EVC2: variants seen among roughly 807,000 people sequenced by gnomAD.
The protein encoded by EVC2 is EvC ciliary complex subunit 2.
A neutral mutation model predicts 149.3 loss-of-function variants in EVC2; 148 were observed. The ratio of observed to expected loss-of-function variants is 0.99; its 90% CI spans 0.87 to 1.14. The LOEUF (loss-of-function observed/expected upper bound fraction) is 1.14. Among genes scored for constraint, EVC2 ranks in the 50% most tolerant of loss-of-function variants. The pLI, the probability that EVC2 is intolerant of heterozygous loss-of-function variation, is 0.00. For synonymous variants in EVC2, 776 were observed against 649.9 expected (o/e 1.19, Z -2.95); for missense variants, 1,854 against 1,627.3 (o/e 1.14, Z -2.40).
intron 21 of EVC2, among the ~76,000 whole-genome samples, chr4:5,556,157 G>C (rs1721834989): frequency 8.4e-6 from 1 of 119,368 alleles, no homozygotes; most frequent in African/African-American, 3.3e-5. Flanking sequence ...CTAACCCCAG[G>C]TGACAGTGTG....
At chr4:5,580,839 G>C (rs1711694578) in intron 17 of EVC2, among the ~76,000 whole-genome samples, 1 of 53,552 alleles carries the variant, frequency 1.9e-5, no homozygotes, top group African/African-American at 6.9e-5. Flanking sequence ...TTGGAGGTGA[G>C]GCCTGCTGGA....
chr4:5,662,474 A>AATATTAAATATAATATTAATATTAAAT (rs56922180), intron 9 of EVC2, among the ~76,000 whole-genome samples: 15 of 137,100 alleles, frequency 1.1e-4, no homozygotes, highest in South Asian at 8.9e-4. Context: ...TTATTAATAT[A>AATATTAAATATAATATTAATATTAAAT]ATATTAAATA....
rs1469225835 is a variant in EVC2 at position 5,614,928 on chromosome 4, G to T, written c.2829+494C>A. Among the ~76,000 whole-genome samples the T allele has an allele frequency of 1.3e-5, 2 of 151,520 alleles. No individual in the cohort carries two copies. The highest frequency in any genetic ancestry group is 1.3e-4 in the Admixed American group (2 of 15,220). Reference sequence around the variant, plus strand: ...GGAGGCGGAGGTTGCAGTGAGCCGAGATCACACCACTGCACTCCAGCCTGG... The same window carrying T: ...GGAGGCGGAGGTTGCAGTGAGCCGATATCACACCACTGCACTCCAGCCTGG... On this transcript the variant is annotated intron_variant, in intron 16 of 21. Transcript: ENST00000344408. This position sits in a 1 kb window ranked among gnomAD's most constrained non-coding sequence, Gnocchi z 4.7.
At position 5,568,475 on chromosome 4, in the gene EVC2, C is replaced by T. The variant is rs375910289; in HGVS notation, c.3526G>A (p.Gly1176Arg). Reference protein sequence around the residue: ...HVDHAAESDGGAEQADVGRRR... With the variant: ...HVDHAAESDGRAEQADVGRRR... The stretch of plus-strand genomic sequence containing the variant: ...CTGCCCACGTCGGCCTGCTCCGCTC[C>T]GCCATCGCTCTCAGCTGCGTGGTCC... The change falls in exon 20 of 22, where the codon GGA (glycine) becomes AGA (arginine). Residue 1176 changes from glycine to arginine, a missense_variant. Coordinates refer to ENST00000344408, the MANE Select transcript of EVC2 (RefSeq NM_147127.5). The T allele has an allele frequency of 3.7e-5, 59 of 1,575,856 alleles. No individual in the cohort carries two copies. Among genetic ancestry groups the T allele is most frequent in the Middle Eastern group, 2.3e-4 (1 of 4,424 alleles).
At chr4:5,634,452 T>C (rs1001491629) in intron 10 of EVC2, among the ~76,000 whole-genome samples, 8 of 152,202 alleles carry the variant, frequency 5.3e-5, no homozygotes, top group Non-Finnish European at 1.0e-4. Flanking sequence ...AAACTTCAAT[T>C]TATTTTAATT....
chr4:5,691,479 A>G (rs986972089), intron 3 of EVC2, 146 bp from the exon 4 acceptor site: 12 of 682,240 alleles, frequency 1.8e-5, no homozygotes, highest in Non-Finnish European at 3.0e-5. Flanking sequence ...CTTATTTTTT[A>G]AAAGAGCATT....
At chr4:5,542,450 G>A (rs1721532023), downstream of EVC2, among the ~76,000 whole-genome samples, 1 of 152,146 alleles carries the variant, frequency 6.6e-6, no homozygotes, top group Non-Finnish European at 1.5e-5. Context: ...GTGAGACCCT[G>A]TCTCAAAAAA....
At position 5,615,500 on chromosome 4, in the gene EVC2, C is replaced by T; in HGVS notation, c.2751G>A (p.Lys917=). The T allele has an allele frequency of 6.2e-7, 1 of 1,614,224 alleles. No homozygotes were observed. Among genetic ancestry groups the T allele is most frequent in the Non-Finnish European group, 8.5e-7 (1 of 1,180,042 alleles). ...VRKSRSKSKS[K]GELLKKCIED... ...CGATGCACTTCTTCAGAAGCTCTCC[C>T]TTGCTTTTACTCTTGGACCGTGACT... The change falls in exon 16 of 22, where the codon AAG becomes AAA. Residue 917 remains lysine (K), a synonymous_variant. Transcript: ENST00000344408.
rs1722537176 is a variant in EVC2, at chr4:5,569,783, G to A, written c.3361-1143C>T. ...AGGGACTCGACCCCTTGGAAACATG[G>A]GGTCGCTGTGACCTTGGTAAGTGCT... On this transcript the variant is annotated intron_variant, in intron 19 of 21. Transcript: ENST00000344408. This position sits in a 1 kb window ranked among gnomAD's most constrained non-coding sequence, Gnocchi z 4.8. Among the ~76,000 whole-genome samples the A allele has an allele frequency of 6.6e-6, 1 of 151,964 alleles. No individual in the cohort carries two copies. Among genetic ancestry groups the A allele is most frequent in the African/African-American group, 2.4e-5 (1 of 41,358 alleles).
chr4:5,627,399 G>T (rs1716190446), intron 12 of EVC2, among the ~76,000 whole-genome samples: 1 of 152,196 alleles, frequency 6.6e-6, no homozygotes, highest in Non-Finnish European at 1.5e-5. Context: ...TTAAAATCAG[G>T]AATGCGAAGT....
intron 21 of EVC2, among the ~76,000 whole-genome samples, chr4:5,545,930 A>C (rs1721607785): frequency 6.6e-6 from 1 of 152,246 alleles, no homozygotes; most frequent in Non-Finnish European, 1.5e-5. Flanking sequence ...AGGGAAAAGA[A>C]GACATTTATG....
intron 16 of EVC2, among the ~76,000 whole-genome samples, chr4:5,609,663 C>T (rs954964154): frequency 6.6e-6 from 1 of 152,214 alleles, no homozygotes; most frequent in African/African-American, 2.4e-5. Flanking sequence ...CTATCACTGT[C>T]ACAAGCCACA....
At chr4:5,615,345 G>A in intron 16 of EVC2, 77 bp downstream of exon 16, 1 of 1,606,580 alleles carries the variant, frequency 6.2e-7, no homozygotes, top group Non-Finnish European at 8.5e-7. Context: ...GGCTCTGTGT[G>A]CCTGCAAATG....
intron 9 of EVC2, among the ~76,000 whole-genome samples, chr4:5,653,124 G>A (rs192853230): frequency 2.5e-3 from 376 of 152,180 alleles, no homozygotes; most frequent in Non-Finnish European, 4.0e-3. Flanking sequence ...CTGTGTCTAC[G>A]TCCAGATTTC....
chr4:5,571,275 G>A (rs1283290376), intron 19 of EVC2, among the ~76,000 whole-genome samples: 6 of 125,830 alleles, frequency 4.8e-5, no homozygotes, highest in Admixed American at 2.1e-4. Context: ...CCAAGATCGC[G>A]CCACTGCACT....
At chr4:5,594,841 A>G (rs1713225529) in intron 16 of EVC2, among the ~76,000 whole-genome samples, 1 of 152,206 alleles carries the variant, frequency 6.6e-6, no homozygotes, top group African/African-American at 2.4e-5. Context: ...AGGCGAATGT[A>G]TAACTAGAAT....
chr4:5,619,092 C>A (rs1195987475), intron 14 of EVC2, among the ~76,000 whole-genome samples: 1 of 152,140 alleles, frequency 6.6e-6, no homozygotes, highest in Non-Finnish European at 1.5e-5. Context: ...TCAGGGAGGT[C>A]AGGGAAATGA....
At chr4:5,595,166 T>C (rs991656508) in intron 16 of EVC2, among the ~76,000 whole-genome samples, 6 of 152,144 alleles carry the variant, frequency 3.9e-5, no homozygotes, top group Non-Finnish European at 2.9e-5. Flanking sequence ...CCAGGAGAAC[T>C]TCCCCAATCT....
rs73198128 is a variant in EVC2 at position 5,616,658 on chromosome 4, T to G, written c.2707-1114A>C. Among the ~76,000 whole-genome samples, 1,022 of 152,316 alleles carry G rather than the reference T, an allele frequency of 6.7e-3. 4 individuals carry two copies. Among genetic ancestry groups the G allele is most frequent in the African/African-American group, 0.012 (479 of 41,578 alleles). ...AATTTTATCCCCAGGCCTTGGTGCTTAGGAAACTGAGAGCAGGCTCTCCCA... is the reference window on the plus strand; with the variant it reads ...AATTTTATCCCCAGGCCTTGGTGCTGAGGAAACTGAGAGCAGGCTCTCCCA... On this transcript the variant is annotated intron_variant, in intron 15 of 21. Transcript: ENST00000344408.
Sources: gnomAD v4.1 joint callset for allele counts (sites outside exome capture counted in the v4.1 genomes callset) on GRCh38, gnomAD v4.1.1 for gene constraint, Gnocchi (gnomAD v3.1) non-coding constraint, MANE v1.5 for transcripts, NCBI Gene and HGNC (gene_info 2026-07-23, HGNC 2026-07-21) for gene names.